The following DDX4 variants were observed in gnomAD, a reference collection of about 807,000 sequenced individuals.
DDX4 encodes the protein DEAD-box helicase 4, also known as probable ATP-dependent RNA helicase DDX4.
In DDX4, 25 loss-of-function variants were observed where a neutral mutation model predicts 100.0. The observed-to-expected ratio is 0.25, with a 90% CI of 0.18 to 0.35. The LOEUF (loss-of-function observed/expected upper bound fraction) is 0.35. DDX4 is among the 10% of genes least tolerant of loss of function. DDX4 has a pLI of 1.00. For missense variants in DDX4, 635 were observed against 882.4 expected (o/e 0.72, Z 3.55); for synonymous variants, 259 against 275.7 (o/e 0.94, Z 0.60).
chr5:55,810,642 C>G (rs1238599568), intron 18 of DDX4, among the ~76,000 whole-genome samples: 1 of 152,106 alleles, frequency 6.6e-6, no homozygotes, highest in East Asian at 1.9e-4. Flanking sequence ...ACAACTCTTA[C>G]CATACAACTC....
chr5:55,809,330 C>T (rs1450651851), intron 18 of DDX4, among the ~76,000 whole-genome samples: 5 of 152,154 alleles, frequency 3.3e-5, no homozygotes, highest in African/African-American at 9.7e-5. Flanking sequence ...GTCCTGCACC[C>T]AGTTTCTGAC....
At chr5:55,740,666 C>T (rs1288758079) in intron 2 of DDX4, among the ~76,000 whole-genome samples, 7 of 126,730 alleles carry the variant, frequency 5.5e-5, no homozygotes, top group African/African-American at 2.2e-4. Flanking sequence ...CCACCACGCC[C>T]CGCTAATTTT....
intron 17 of DDX4, among the ~76,000 whole-genome samples, chr5:55,797,829 AT>A (rs1247697486): frequency 6.6e-6 from 1 of 152,172 alleles, no homozygotes; most frequent in African/African-American, 2.4e-5. Flanking sequence ...ACCTATCCTG[AT>A]TCCGCTATGT....
At chr5:55,770,252 A>G (rs1741174168) in intron 7 of DDX4, among the ~76,000 whole-genome samples, 1 of 152,132 alleles carries the variant, frequency 6.6e-6, no homozygotes, top group Admixed American at 6.5e-5. Flanking sequence ...TCAATTACAG[A>G]AGAGGGACAA....
intron 17 of DDX4, among the ~76,000 whole-genome samples, chr5:55,798,013 A>G (rs1743070060): frequency 1.3e-5 from 2 of 152,260 alleles, no homozygotes; most frequent in Admixed American, 1.3e-4. Flanking sequence ...AACTAATAAT[A>G]GCATAAATAA....
chr5:55,798,347 C>A, intron 17 of DDX4, 79 bp from the exon 18 acceptor site: 2 of 1,450,314 alleles, frequency 1.4e-6, no homozygotes, highest in Non-Finnish European at 1.9e-6. Context: ...ATTGAGATAA[C>A]ACCTACAGGA....
intron 7 of DDX4, among the ~76,000 whole-genome samples, chr5:55,769,000 T>C (rs897599402): frequency 3.3e-5 from 5 of 152,204 alleles, no homozygotes; most frequent in African/African-American, 1.2e-4. Flanking sequence ...TTAATTTCCT[T>C]ATAGATTCTG....
intron 18 of DDX4, among the ~76,000 whole-genome samples, chr5:55,802,613 C>T (rs1215661115): frequency 2.6e-5 from 4 of 152,198 alleles, no homozygotes; most frequent in African/African-American, 9.7e-5. Flanking sequence ...ACTTTAGAAC[C>T]TTCTACCCAA....
chr5:55,782,614 CA>C (rs922405669), intron 10 of DDX4, among the ~76,000 whole-genome samples: 32 of 147,270 alleles, frequency 2.2e-4, no homozygotes, highest in Non-Finnish European at 3.6e-4. Context: ...GTTTGTTAAA[CA>C]AAAAAAAACT....
At chr5:55,799,490 G>A (rs956774906) in intron 18 of DDX4, among the ~76,000 whole-genome samples, 2 of 152,110 alleles carry the variant, frequency 1.3e-5, no homozygotes, top group South Asian at 2.1e-4. Flanking sequence ...GTTCTTCCAC[G>A]TCAGTCCCCT....
chr5:55,771,185 C>G (rs918537006), intron 7 of DDX4, among the ~76,000 whole-genome samples: 5 of 152,020 alleles, frequency 3.3e-5, no homozygotes, highest in African/African-American at 1.2e-4. Context: ...GTGTATAGTT[C>G]AATTATGTTT....
chr5:55,770,217 C>T (rs570805978), intron 7 of DDX4, among the ~76,000 whole-genome samples: 5 of 151,838 alleles, frequency 3.3e-5, no homozygotes, highest in African/African-American at 1.2e-4. Context: ...TTTTTTTTCC[C>T]CCCTATGATC....
At position 55,786,626 on chromosome 5, in the gene DDX4, G is replaced by A. The variant is rs1742265099; in HGVS notation, c.973G>A (p.Gly325Arg). ...ATACAGTATTCCTATCATACTTGCA[G>A]GACGAGATTTGATGGCTTGCGCTCA... ...QKYSIPIILA[G>R]RDLMACAQTG... Residue 325 changes from glycine to arginine, a missense_variant, in exon 14 of 22, where the codon GGA (glycine) becomes AGA (arginine). Gly to Arg is a moderately radical substitution (Grantham distance 125). Coordinates refer to ENST00000505374, the MANE Select transcript of DDX4 (RefSeq NM_024415.3). 1 of 1,613,374 alleles carries A rather than the reference G, an allele frequency of 6.2e-7. No individual in the cohort carries two copies. The highest frequency in any genetic ancestry group is 8.5e-7 in the Non-Finnish European group (1 of 1,179,422).
chr5:55,781,416 T>C (rs1198699277), intron 9 of DDX4, among the ~76,000 whole-genome samples: 4 of 152,196 alleles, frequency 2.6e-5, no homozygotes, highest in African/African-American at 7.2e-5. Flanking sequence ...GGAAAAGGAT[T>C]TGTGTGAGTT....
chr5:55,746,447 C>T (rs1328093924), intron 3 of DDX4, among the ~76,000 whole-genome samples: 2 of 152,166 alleles, frequency 1.3e-5, no homozygotes, highest in Non-Finnish European at 2.9e-5. Context: ...TACTATAAAA[C>T]ATTTGCCTAA....
At chr5:55,765,416 AT>A (rs1223129438) in intron 6 of DDX4, among the ~76,000 whole-genome samples, 62 of 117,566 alleles carry the variant, frequency 5.3e-4, no homozygotes, top group South Asian at 3.2e-3. Context: ...AAAAAAAAAT[AT>A]ATATATATAT....
intron 3 of DDX4, among the ~76,000 whole-genome samples, chr5:55,752,171 A>AT (rs1197042058): frequency 6.6e-6 from 1 of 151,706 alleles, no homozygotes; most frequent in South Asian, 2.1e-4. Context: ...TTATTTATTA[A>AT]TTTTTTTCTT....
chr5:55,739,612 AGATT>A (rs1758870939), intron 2 of DDX4, among the ~76,000 whole-genome samples: 1 of 152,190 alleles, frequency 6.6e-6, no homozygotes, highest in African/African-American at 2.4e-5. Flanking sequence ...AAAAGATAAT[AGATT>A]ATTTTTGCAT....
intron 18 of DDX4, among the ~76,000 whole-genome samples, chr5:55,800,044 G>A (rs1030774236): frequency 6.6e-6 from 1 of 152,082 alleles, no homozygotes; most frequent in Admixed American, 6.5e-5. Flanking sequence ...TTATTGGTTG[G>A]CTTCATCAAA....
Sources: allele counts gnomAD v4.1 joint callset (sites outside exome capture counted in the v4.1 genomes callset), GRCh38; gene constraint gnomAD v4.1.1; transcripts MANE v1.5; gene names NCBI Gene and HGNC (gene_info 2026-07-23, HGNC 2026-07-21).